ARIH1: variants seen among roughly 807,000 people sequenced by gnomAD.
ARIH1 encodes the protein E3 ubiquitin-protein ligase ARIH1.
In ARIH1, 8 loss-of-function variants were observed where a neutral mutation model predicts 85.0. That is an observed-to-expected ratio of 0.09 (90% CI 0.06 to 0.17). The LOEUF (loss-of-function observed/expected upper bound fraction) is 0.17, where lower values mean the gene tolerates loss of function less well. Among genes scored for constraint, ARIH1 ranks in the 10% least tolerant of loss-of-function variants. ARIH1 has a pLI of 1.00. For synonymous variants in ARIH1, 238 were observed against 253.6 expected (o/e 0.94, Z 0.59); for missense variants, 311 against 718.1 (o/e 0.43, Z 6.48).
intron 1 of ARIH1, among the ~76,000 whole-genome samples, chr15:72,506,351 C>CAAAAAAAAAAAAAAAAAAAAAAAAAA (rs71134002): frequency 1.2e-4 from 9 of 73,082 alleles, no homozygotes; most frequent in Admixed American, 2.4e-4. Context: ...CTCCGTCTCA[C>CAAAAAAAAAAAAAAAAAAAAAAAAAA]AAAAAAAAAA....
At chr15:72,527,735 C>G (rs1286199997) in intron 2 of ARIH1, among the ~76,000 whole-genome samples, 1 of 152,168 alleles carries the variant, frequency 6.6e-6, no homozygotes, top group African/African-American at 2.4e-5. Flanking sequence ...AATTTTCCTT[C>G]AAAACTCAAG....
chr15:72,544,919 A>G lies in ARIH1; in HGVS notation c.543A>G (p.Ala181=), dbSNP rs186887765. ...RTRQMNTRSS[A]QDMPCQICYL... The stretch of plus-strand genomic sequence containing the variant: ...GCCAGATGAATACAAGGTCATCAGC[A>G]CAGGATATGCCTTGTCAGATCTGCT... Residue 181 remains alanine (A), a synonymous_variant, in exon 3 of 14, where the codon GCA becomes GCG. Coordinates refer to ENST00000379887, the MANE Select transcript of ARIH1 (RefSeq NM_005744.5). 53 of 1,612,468 alleles carry G rather than the reference A, an allele frequency of 3.3e-5. No homozygotes were observed. In the Admixed American group the frequency reaches 3.7e-4, roughly 11 times the overall value.
At chr15:72,517,032 T>C (rs1378744059) in intron 1 of ARIH1, among the ~76,000 whole-genome samples, 4 of 152,210 alleles carry the variant, frequency 2.6e-5, no homozygotes, top group Admixed American at 2.6e-4. Flanking sequence ...GCACAAATAG[T>C]GAGCTCACTA....
Position 72,582,230 on chromosome 15 carries a change from A to G in ARIH1, c.1589+43A>G. 7.2e-7 allele frequency: 1 copy of G among 1,380,870 alleles called. No individual in the cohort carries two copies. Among genetic ancestry groups the G allele is most frequent in the African/African-American group, 1.4e-5 (1 of 69,824 alleles). The allele number at this position is 1,380,870 out of a possible 1,614,324, so 85.5% of individuals were successfully genotyped here. A position where few individuals can be genotyped will look rare whatever the true frequency, so the allele number is the denominator to read the frequency against. ...TGTTGAATAAAACTTTCTGCCAGTG[A>G]TGATCCTTACTGGTAAAGTTCAGTG... On this transcript the variant is annotated intron_variant, in intron 13 of 13. Transcript: ENST00000379887. The surrounding 1 kb of genome is among the most constrained non-coding windows in gnomAD (Gnocchi z 4.6).
intron 2 of ARIH1, among the ~76,000 whole-genome samples, chr15:72,520,232 T>C (rs1452627984): frequency 1.3e-5 from 2 of 152,174 alleles, no homozygotes; most frequent in African/African-American, 2.4e-5. Flanking sequence ...AGCTATTGGA[T>C]ACCTAAAAGA....
At chr15:72,544,678 T>A (rs1356659099) in intron 2 of ARIH1, 142 bp from the exon 3 acceptor site, 2 of 738,568 alleles carry the variant, frequency 2.7e-6, no homozygotes, top group Non-Finnish European at 4.3e-6. Context: ...ATGTAGCTTT[T>A]ATTTCCTCTG....
intron 2 of ARIH1, among the ~76,000 whole-genome samples, chr15:72,543,868 A>G (rs532210600): frequency 2.0e-5 from 3 of 150,628 alleles, no homozygotes; most frequent in African/African-American, 4.9e-5. Flanking sequence ...TTTAATATCT[A>G]TTGCTTTTCC....
intron 7 of ARIH1, among the ~76,000 whole-genome samples, chr15:72,565,207 C>T (rs902318512): frequency 1.3e-5 from 2 of 152,108 alleles, no homozygotes; most frequent in Non-Finnish European, 2.9e-5. Context: ...AGGCGTGTGC[C>T]ACCACGCCTG....
intron 5 of ARIH1, 63 bp from the exon 6 acceptor site, chr15:72,561,420 T>A: frequency 8.0e-7 from 1 of 1,253,242 alleles, no homozygotes; most frequent in Non-Finnish European, 1.2e-6. Context: ...AAACTATGTT[T>A]TATAAATGTG....
intron 1 of ARIH1, among the ~76,000 whole-genome samples, chr15:72,476,942 TAATC>T (rs1388938147): frequency 2.6e-5 from 4 of 152,224 alleles, no homozygotes; most frequent in Non-Finnish European, 1.5e-5. Flanking sequence ...CTAATTTATT[TAATC>T]AATCTGTTAT....
intron 1 of ARIH1, among the ~76,000 whole-genome samples, chr15:72,513,517 A>T (rs1440156708): frequency 6.6e-6 from 1 of 152,148 alleles, no homozygotes; most frequent in African/African-American, 2.4e-5. Context: ...GTTTTCAAGA[A>T]TTTAAGTGGA....
At chr15:72,557,502 T>C (rs2064179402) in intron 5 of ARIH1, among the ~76,000 whole-genome samples, 1 of 152,210 alleles carries the variant, frequency 6.6e-6, no homozygotes, top group Non-Finnish European at 1.5e-5. Flanking sequence ...GTAGGTTGTC[T>C]GTTTACTCTG....
At chr15:72,526,104 A>G (rs1164487738) in intron 2 of ARIH1, among the ~76,000 whole-genome samples, 1 of 152,166 alleles carries the variant, frequency 6.6e-6, no homozygotes, top group Non-Finnish European at 1.5e-5. Flanking sequence ...CGTGCTTCCT[A>G]ATGGGTAACA....
At chr15:72,538,357 CT>C (rs1351716247) in intron 2 of ARIH1, among the ~76,000 whole-genome samples, 1 of 152,106 alleles carries the variant, frequency 6.6e-6, no homozygotes, top group Non-Finnish European at 1.5e-5. Flanking sequence ...TTGTCTCCCT[CT>C]CCCCCGCAAA....
At chr15:72,571,426 C>T (rs745369730) in intron 10 of ARIH1, among the ~76,000 whole-genome samples, 9 of 152,156 alleles carry the variant, frequency 5.9e-5, no homozygotes, top group Non-Finnish European at 1.2e-4. Context: ...ATAGCTGCTC[C>T]CATAATGTAG....
chr15:72,502,061 AT>A (rs879634971), intron 1 of ARIH1, among the ~76,000 whole-genome samples: 39 of 151,268 alleles, frequency 2.6e-4, no homozygotes, highest in African/African-American at 8.2e-4. Context: ...AGTCTTGAGT[AT>A]TTTTTTTTGA....
chr15:72,560,297 G>A (rs117421599), intron 5 of ARIH1, among the ~76,000 whole-genome samples: 503 of 152,188 alleles, frequency 3.3e-3, no homozygotes, highest in Non-Finnish European at 4.4e-3. Context: ...AGAACTGAGA[G>A]GGTATCTATA....
At position 72,582,161 on chromosome 15, in the gene ARIH1, A is replaced by G; in HGVS notation, c.1563A>G (p.Ile521Met). The G allele has an allele frequency of 6.2e-7, 1 of 1,613,242 alleles. No individual in the cohort carries two copies. Among genetic ancestry groups the G allele is most frequent in the African/African-American group, 1.3e-5 (1 of 75,004 alleles). ...TTTCCCAAGATTCTCTGCAGGATATAAAGCAGAAAGTACAAGACAAGTACA... is the reference window on the plus strand; with the variant it reads ...TTTCCCAAGATTCTCTGCAGGATATGAAGCAGAAAGTACAAGACAAGTACA... ...RDISQDSLQD[I>M]KQKVQDKYRY... Residue 521 changes from isoleucine (I) to methionine (M), a missense_variant, in exon 13 of 14, where the codon ATA (isoleucine) becomes ATG (methionine). Ile to Met is a conservative substitution (Grantham distance 10). Transcript: ENST00000379887. The surrounding 1 kb of genome is among the most constrained non-coding windows in gnomAD (Gnocchi z 4.6).
intron 3 of ARIH1, among the ~76,000 whole-genome samples, chr15:72,553,604 A>G (rs544650620): frequency 7.2e-5 from 11 of 152,062 alleles, no homozygotes; most frequent in Admixed American, 4.6e-4. Flanking sequence ...GGATATACCT[A>G]TTCTGGACAT....
Sources: allele counts gnomAD v4.1 joint callset (sites outside exome capture counted in the v4.1 genomes callset), GRCh38; gene constraint gnomAD v4.1.1; non-coding constraint Gnocchi (gnomAD v3.1); transcripts MANE v1.5; gene names NCBI Gene and HGNC (gene_info 2026-07-23, HGNC 2026-07-21).